The following SC5D variants were observed in gnomAD, a reference collection of about 807,000 sequenced individuals.
SC5D encodes the protein lathosterol oxidase.
A neutral mutation model predicts 23.9 loss-of-function variants in SC5D; 21 were observed. The ratio of observed to expected loss-of-function variants is 0.88; its 90% CI spans 0.62 to 1.26. SC5D has a LOEUF of 1.26. Among genes scored for constraint, SC5D ranks in the 50% most tolerant of loss-of-function variants. SC5D has a pLI of 0.00. For synonymous variants in SC5D, 113 were observed against 125.9 expected, an observed-to-expected ratio of 0.90 and a Z score of 0.68; for missense variants, 309 against 364.8, an observed-to-expected ratio of 0.85 and a Z score of 1.25.
rs1034136417 is a variant in SC5D at position 121,309,912 on chromosome 11, G to T, written c.*2400G>T. Reference sequence around the variant, plus strand: ...CAAGGTTACGTTTTCTACTTTTGTGGTAGAAATTGAGAAGTGGGTGGATAT... The same window carrying T: ...CAAGGTTACGTTTTCTACTTTTGTGTTAGAAATTGAGAAGTGGGTGGATAT... On this transcript the variant is annotated 3_prime_UTR_variant, in exon 5 of 5. Transcript: ENST00000264027. Among the ~76,000 whole-genome samples the T allele has an allele frequency of 6.6e-6, 1 of 152,160 alleles. No individual in the cohort carries two copies. The highest frequency in any genetic ancestry group is 1.5e-5 in the Non-Finnish European group (1 of 68,030).
intron 1 of SC5D, among the ~76,000 whole-genome samples, chr11:121,297,667 G>A (rs1243541212): frequency 3.9e-5 from 6 of 152,162 alleles, no homozygotes; most frequent in African/African-American, 1.4e-4. Flanking sequence ...GTGGTAGTAA[G>A]GACTAAGAAT....
intron 1 of SC5D, among the ~76,000 whole-genome samples, chr11:121,300,532 T>G (rs1044418331): frequency 6.6e-6 from 1 of 152,136 alleles, no homozygotes; most frequent in Non-Finnish European, 1.5e-5. Context: ...TCAAGGAGAG[T>G]CATTATTTAC....
chr11:121,301,010 C>T (rs1254486701), intron 1 of SC5D, among the ~76,000 whole-genome samples: 3 of 152,152 alleles, frequency 2.0e-5, no homozygotes, highest in East Asian at 1.9e-4. Context: ...GCAGGGTGGG[C>T]GGTGGTGCAT....
rs1042879271 is a variant in SC5D, at chr11:121,295,341, G to C, written c.-11+2525G>C. ...GTCTGGTAAGGCGGGACAACTCACA[G>C]TGGGGGCTTCCAGGTTAGAAGCAGA... On this transcript the variant is annotated intron_variant, in intron 1 of 4. Coordinates refer to ENST00000264027, the MANE Select transcript of SC5D (RefSeq NM_006918.5). Among the ~76,000 whole-genome samples, 12 of 152,224 alleles carry C rather than the reference G, an allele frequency of 7.9e-5. No individual in the cohort carries two copies. In the East Asian group the frequency reaches 1.9e-3, roughly 24 times the overall value.
chr11:121,313,215 C>T lies in SC5D; in HGVS notation c.*5703C>T, dbSNP rs1306760518. Among the ~76,000 whole-genome samples, 2 of 152,108 alleles carry T rather than the reference C, an allele frequency of 1.3e-5. No homozygotes were observed. Among genetic ancestry groups the T allele is most frequent in the Non-Finnish European group, 2.9e-5 (2 of 68,010 alleles). Reference sequence around the variant, plus strand: ...TAAATTAAATCAGATAGTATATACTCTTGTGTTTAGTTTCTTTAGCTTAAC... The same window carrying T: ...TAAATTAAATCAGATAGTATATACTTTTGTGTTTAGTTTCTTTAGCTTAAC... On this transcript the variant is annotated 3_prime_UTR_variant, in exon 5 of 5. Transcript: ENST00000264027.
chr11:121,296,211 G>T (rs1947888007), intron 1 of SC5D, among the ~76,000 whole-genome samples: 1 of 152,166 alleles, frequency 6.6e-6, no homozygotes, highest in African/African-American at 2.4e-5. Context: ...ATGAAATGTG[G>T]GTCTGATTGT....
rs770323739 is a variant in SC5D, at chr11:121,307,531, TTAAG to T, written c.*24_*27del. Reference sequence around the variant, plus strand: ...TGAATAGATTATTGCCCAGTTATTCTTAAGTAAGGACAAAGAAGGAAATATCATC... The same window carrying T: ...TGAATAGATTATTGCCCAGTTATTCTTAAGGACAAAGAAGGAAATATCATC... On this transcript the variant is annotated 3_prime_UTR_variant, in exon 5 of 5. Coordinates refer to ENST00000264027, the MANE Select transcript of SC5D (RefSeq NM_006918.5). 3 of 1,494,116 alleles carry T rather than the reference TTAAG, an allele frequency of 2.0e-6. No homozygotes were observed. The highest frequency in any genetic ancestry group is 1.7e-4 in the Middle Eastern group (1 of 5,778). The allele number at this position is 1,494,116 out of a possible 1,614,324, so 92.6% of individuals were successfully genotyped here.
chr11:121,311,873 C>T lies in SC5D; in HGVS notation c.*4361C>T, dbSNP rs1455318469. ...TATTGTCATTTTACCTCCATAGGCC[C>T]TCAATAGAAATCAGTTGCAGAGGGC... On this transcript the variant is annotated 3_prime_UTR_variant, in exon 5 of 5. Coordinates refer to ENST00000264027, the MANE Select transcript of SC5D (RefSeq NM_006918.5). 6.6e-6 allele frequency among the ~76,000 whole-genome samples: 1 copy of T among 152,066 alleles called. No homozygotes were observed. Among genetic ancestry groups the T allele is most frequent in the Non-Finnish European group, 1.5e-5 (1 of 68,002 alleles).
intron 1 of SC5D, among the ~76,000 whole-genome samples, chr11:121,295,118 T>A (rs908044727): frequency 6.6e-6 from 1 of 152,182 alleles, no homozygotes; most frequent in Admixed American, 6.5e-5. Context: ...ATTGAACCCG[T>A]TTTGAACCCC....
chr11:121,302,607 A>T (rs1029632190), intron 1 of SC5D, among the ~76,000 whole-genome samples: 4 of 152,182 alleles, frequency 2.6e-5, no homozygotes, highest in Non-Finnish European at 4.4e-5. Flanking sequence ...TGTTGCAGTG[A>T]TACTATAAGC....
rs1947992723 is a variant in SC5D, at chr11:121,309,433, A to G, written c.*1921A>G. Reference sequence around the variant, plus strand: ...GCTGTGTGCCTGGGAGGAAGGGGGCACCATTTTCTTGAGCAGCTAGACAGT... The same window carrying G: ...GCTGTGTGCCTGGGAGGAAGGGGGCGCCATTTTCTTGAGCAGCTAGACAGT... On this transcript the variant is annotated 3_prime_UTR_variant, in exon 5 of 5. Coordinates refer to ENST00000264027, the MANE Select transcript of SC5D (RefSeq NM_006918.5). 1.3e-5 allele frequency among the ~76,000 whole-genome samples: 2 copies of G among 152,126 alleles called. No homozygotes were observed. The highest frequency in any genetic ancestry group is 2.9e-5 in the Non-Finnish European group (2 of 68,010).
At position 121,306,227 on chromosome 11, in the gene SC5D, C is replaced by CA. The variant is rs1464732511; in HGVS notation, c.344-157dup. On this transcript the variant is annotated intron_variant, in intron 3 of 4. Transcript: ENST00000264027. ...AGGAAATGACCAGATTCCAAGAAGCCAAGAGAGATTAGTTTATAATATACT... is the reference window on the plus strand; with the variant it reads ...AGGAAATGACCAGATTCCAAGAAGCCAAAGAGAGATTAGTTTATAATATACT... 48 of 631,980 alleles carry CA rather than the reference C, an allele frequency of 7.6e-5. No individual in the cohort carries two copies. The South Asian group carries it at 8.6e-4, about 11-fold the overall frequency. The allele number at this position is 631,980 out of a possible 1,614,324, so 39.1% of individuals were successfully genotyped here.
intron 1 of SC5D, among the ~76,000 whole-genome samples, chr11:121,299,463 C>A (rs1032978756): frequency 6.6e-6 from 1 of 152,092 alleles, no homozygotes; most frequent in East Asian, 1.9e-4. Flanking sequence ...ATTGTCTGTA[C>A]CAGTCTATTT....
At position 121,303,408 on chromosome 11, in the gene SC5D, T is replaced by C; in HGVS notation, c.33T>C (p.Tyr11=). 1 of 1,613,712 alleles carries C rather than the reference T, an allele frequency of 6.2e-7. No individual in the cohort carries two copies. Among genetic ancestry groups the C allele is most frequent in the Non-Finnish European group, 8.5e-7 (1 of 1,179,692 alleles). The change falls in exon 2 of 5, where the codon TAT becomes TAC. Residue 11 remains tyrosine (Y), a synonymous_variant. Transcript: ENST00000264027. MDLVLRVADY[Y]FFTPYVYPAT... is the part of the protein sequence containing the mutation. The stretch of plus-strand genomic sequence containing the variant: ...TTGTACTCCGTGTTGCAGATTACTA[T>C]TTTTTTACACCATACGTGTATCCAG...
In SC5D at chr11:121,310,708, C is replaced by T. The variant is rs111744316; in HGVS notation, c.*3196C>T. Among the ~76,000 whole-genome samples, 1,064 of 152,172 alleles carry T rather than the reference C, an allele frequency of 7.0e-3. 17 individuals are homozygous for T. The highest frequency in any genetic ancestry group is 0.023 in the African/African-American group (953 of 41,524). ...ATCTCCTGACCTCATGATCTGCCTGCCTCGGCCTCCCAAAGTGCTGGGATT... is the reference window on the plus strand; with the variant it reads ...ATCTCCTGACCTCATGATCTGCCTGTCTCGGCCTCCCAAAGTGCTGGGATT... On this transcript the variant is annotated 3_prime_UTR_variant, in exon 5 of 5. Transcript: ENST00000264027.
At chr11:121,300,709 C>CTGCAA (rs1565567893) in intron 1 of SC5D, among the ~76,000 whole-genome samples, 2 of 152,076 alleles carry the variant, frequency 1.3e-5, no homozygotes, top group East Asian at 1.9e-4. Flanking sequence ...TTGCACATAC[C>CTGCAA]CAAGAAAGGG....
Position 121,308,006 on chromosome 11 carries a change from G to A in SC5D, c.*494G>A. 1.9e-5 allele frequency: 3 copies of A among 156,512 alleles called. No homozygotes were observed. The allele number at this position is 156,512 out of a possible 1,614,324, so 9.7% of individuals were successfully genotyped here. On this transcript the variant is annotated 3_prime_UTR_variant, in exon 5 of 5. Transcript: ENST00000264027. ...TGATAATGATAACTTGTTTTGACTT[G>A]AATAAAGTACTACATCAGTGTGGAA... is the stretch of plus-strand genomic sequence containing the variant.
intron 3 of SC5D, chr11:121,305,940 G>A (rs1947961024): frequency 5.0e-6 from 1 of 201,302 alleles, no homozygotes; most frequent in Admixed American, 5.3e-5. Context: ...TAGAAATACA[G>A]GAGTGATGAG....
chr11:121,310,502 G>A lies in SC5D; in HGVS notation c.*2990G>A, dbSNP rs1948001772. ...GATGGAGTCTTGCTCTGTTGCCCCAGGCTGGAGTGCAGTGGCGTGATCTTG... is the reference window on the plus strand; with the variant it reads ...GATGGAGTCTTGCTCTGTTGCCCCAAGCTGGAGTGCAGTGGCGTGATCTTG... On this transcript the variant is annotated 3_prime_UTR_variant, in exon 5 of 5. Coordinates refer to ENST00000264027, the MANE Select transcript of SC5D (RefSeq NM_006918.5). Among the ~76,000 whole-genome samples, 1 of 145,764 alleles carries A rather than the reference G, an allele frequency of 6.9e-6. No homozygotes were observed. Among genetic ancestry groups the A allele is most frequent in the Non-Finnish European group, 1.5e-5 (1 of 67,226 alleles).
Sources: gnomAD v4.1 joint callset for allele counts (sites outside exome capture counted in the v4.1 genomes callset) on GRCh38, gnomAD v4.1.1 for gene constraint, MANE v1.5 for transcripts, NCBI Gene and HGNC (gene_info 2026-07-23, HGNC 2026-07-21) for gene names.